PTTG1IP2: variants seen among roughly 807,000 people sequenced by gnomAD.
PTTG1IP2 encodes the protein PTTG1IP family member 2.
rs545180736 is a variant in PTTG1IP2, at chr7:90,484,167, C to CT, written c.193-3150dup. The stretch of plus-strand genomic sequence containing the variant: ...ATCCCATAATTTTAGAAATCATTGG[C>CT]TTTTTTTTTTCTTTTTTCCCCGAAT... On this transcript the variant is annotated intron_variant, in intron 2 of 6. Transcript: ENST00000509356. Among the ~76,000 whole-genome samples, 405 of 148,006 alleles carry CT rather than the reference C, an allele frequency of 2.7e-3. 1 individual carries two copies. Among genetic ancestry groups the CT allele is most frequent in the Non-Finnish European group, 3.9e-3 (262 of 66,732 alleles).
At chr7:90,499,794 G>A (rs914677726) in intron 6 of PTTG1IP2, among the ~76,000 whole-genome samples, 59 of 152,048 alleles carry the variant, frequency 3.9e-4, no homozygotes, top group African/African-American at 1.4e-3. Context: ...TGTTGGCCAG[G>A]CTGGTCTTGA....
chr7:90,475,433 T>C (rs1011911271), intron 1 of PTTG1IP2, among the ~76,000 whole-genome samples: 1 of 152,216 alleles, frequency 6.6e-6, no homozygotes, highest in Non-Finnish European at 1.5e-5. Flanking sequence ...AACAGACTAT[T>C]CTGGAAAAGA....
chr7:90,500,504 T>C (rs922356375), intron 6 of PTTG1IP2, among the ~76,000 whole-genome samples: 66 of 152,172 alleles, frequency 4.3e-4, no homozygotes, highest in African/African-American at 1.5e-3. Context: ...CCCCAAGAAC[T>C]AGGCTCCAAC....
Position 90,488,866 on chromosome 7 carries a change from T to C in PTTG1IP2, c.287-5T>C, listed in dbSNP as rs1479763551. ...TTAAAATATATTTCTTTTTATACAT[T>C]TCAGTTGACATGTTTGGAATCATGA... On this transcript the variant is annotated splice_region_variant and splice_polypyrimidine_tract_variant and intron_variant, in intron 3 of 6. Coordinates refer to ENST00000509356, the MANE Select transcript of PTTG1IP2 (RefSeq NM_001365443.2). 1.3e-5 allele frequency: 2 copies of C among 151,974 alleles called. No homozygotes were observed. Among genetic ancestry groups the C allele is most frequent in the African/African-American group, 4.8e-5 (2 of 41,448 alleles). The allele number at this position is 151,974 out of a possible 1,614,324, so 9.4% of individuals were successfully genotyped here. A position where few individuals can be genotyped will look rare whatever the true frequency, so the allele number is the denominator to read the frequency against.
At chr7:90,498,616 G>A (rs966287299) in intron 6 of PTTG1IP2, among the ~76,000 whole-genome samples, 2 of 152,188 alleles carry the variant, frequency 1.3e-5, no homozygotes, top group African/African-American at 2.4e-5. Context: ...ACAATTTATT[G>A]TGAAAGCCTT....
In PTTG1IP2 at chr7:90,508,726, C is replaced by T. The variant is rs551372843; in HGVS notation, c.*51-4552C>T. Among the ~76,000 whole-genome samples, 12 of 152,236 alleles carry T rather than the reference C, an allele frequency of 7.9e-5. No homozygotes were observed. The East Asian group carries it at 9.7e-4, about 12-fold the overall frequency. On this transcript the variant is annotated intron_variant, in intron 6 of 6. Coordinates refer to ENST00000509356, the MANE Select transcript of PTTG1IP2 (RefSeq NM_001365443.2). ...CCTTGAGGTAAATCCTAATATTAGC[C>T]GTACTTTAAGACAAGGAAACTAAGC...
intron 1 of PTTG1IP2, among the ~76,000 whole-genome samples, chr7:90,470,704 G>A (rs896096384): frequency 6.6e-6 from 1 of 152,222 alleles, no homozygotes; most frequent in South Asian, 2.1e-4. Flanking sequence ...TTGGGGCGAC[G>A]CTGAATTAAA....
intron 1 of PTTG1IP2, among the ~76,000 whole-genome samples, chr7:90,478,986 C>T (rs918520227): frequency 1.3e-5 from 2 of 151,952 alleles, no homozygotes; most frequent in African/African-American, 2.4e-5. Context: ...TAGAACTTGG[C>T]TCATCAAAGT....
In PTTG1IP2 at chr7:90,478,111, A is replaced by AG. The variant is rs569640598; in HGVS notation, c.146-1117_146-1116insG. On this transcript the variant is annotated intron_variant, in intron 1 of 6. Coordinates refer to ENST00000509356, the MANE Select transcript of PTTG1IP2 (RefSeq NM_001365443.2). The stretch of plus-strand genomic sequence containing the variant: ...GACTCCGTCTCAAAAAAAAAAAAAA[A>AG]AAAAAGAAAAAGAAAAAATTGGAAA... Among the ~76,000 whole-genome samples, 46 of 151,602 alleles carry AG rather than the reference A, an allele frequency of 3.0e-4. No homozygotes were observed. The East Asian group carries it at 4.5e-3, about 15-fold the overall frequency.
At chr7:90,511,746 G>C (rs766105310) in intron 6 of PTTG1IP2, among the ~76,000 whole-genome samples, 1 of 152,064 alleles carries the variant, frequency 6.6e-6, no homozygotes, top group South Asian at 2.1e-4. Context: ...ACTCAATAGA[G>C]TATAGAATCC....
intron 1 of PTTG1IP2, among the ~76,000 whole-genome samples, chr7:90,472,279 AACACACACACACAC>A (rs144907444): frequency 0.068 from 9,446 of 138,028 alleles, 341 homozygotes; most frequent in East Asian, 0.14. Context: ...ATAGCATGCA[AACACACACACACAC>A]ACACACACAC....
intron 1 of PTTG1IP2, among the ~76,000 whole-genome samples, chr7:90,476,478 G>A (rs1160308059): frequency 6.6e-6 from 1 of 151,754 alleles, no homozygotes; most frequent in Admixed American, 6.6e-5. Context: ...ATAGAAAGAT[G>A]CATATAAAAT....
chr7:90,487,603 T>C (rs146086434), intron 3 of PTTG1IP2, among the ~76,000 whole-genome samples, 183 bp downstream of exon 3: 1 of 152,312 alleles, frequency 6.6e-6, no homozygotes, highest in East Asian at 1.9e-4. Context: ...TGCATATGTA[T>C]CCCAGAACTT....
At chr7:90,486,041 C>A (rs537807886) in intron 2 of PTTG1IP2, among the ~76,000 whole-genome samples, 5 of 152,164 alleles carry the variant, frequency 3.3e-5, no homozygotes, top group African/African-American at 1.2e-4. Flanking sequence ...TTGATTTGAC[C>A]GTTAATCTTG....
chr7:90,470,000 C>T (rs1403256232), intron 1 of PTTG1IP2, 69 bp downstream of exon 1: 2 of 152,572 alleles, frequency 1.3e-5, no homozygotes, highest in Non-Finnish European at 2.9e-5. Context: ...TTAATGGTGC[C>T]ATCCTGGTGC....
At chr7:90,512,220 G>A (rs112753576) in intron 6 of PTTG1IP2, among the ~76,000 whole-genome samples, 6 of 152,172 alleles carry the variant, frequency 3.9e-5, no homozygotes, top group African/African-American at 7.2e-5. Flanking sequence ...CAACACAGGC[G>A]ATGCTCTCTG....
intron 2 of PTTG1IP2, among the ~76,000 whole-genome samples, chr7:90,486,519 A>G (rs1797876702): frequency 1.6e-5 from 2 of 128,182 alleles, no homozygotes; most frequent in Non-Finnish European, 3.3e-5. Flanking sequence ...TACCTCCCAT[A>G]ATGTTTTTCA....
intron 2 of PTTG1IP2, among the ~76,000 whole-genome samples, chr7:90,483,232 A>G (rs978103): frequency 0.4 from 60,314 of 152,040 alleles, 12,986 homozygotes; most frequent in Non-Finnish European, 0.5. Context: ...CACTGTTGGC[A>G]TGATCCTCCT....
chr7:90,501,443 G>A (rs1447013124), intron 6 of PTTG1IP2, among the ~76,000 whole-genome samples: 1 of 152,182 alleles, frequency 6.6e-6, no homozygotes, highest in Non-Finnish European at 1.5e-5. Flanking sequence ...CGAGGTGAGA[G>A]GGTCACTTGA....
Sources: gnomAD v4.1 joint callset for allele counts (sites outside exome capture counted in the v4.1 genomes callset) on GRCh38, gnomAD v4.1.1 for gene constraint, MANE v1.5 for transcripts, NCBI Gene and HGNC (gene_info 2026-07-23, HGNC 2026-07-21) for gene names.